The following FMO5 variants were observed in gnomAD, a reference collection of about 807,000 sequenced individuals.
FMO5 encodes the protein flavin-containing monooxygenase 5.
Under a neutral mutation model 43.6 loss-of-function variants are expected in FMO5, and 51 were observed. The ratio of observed to expected loss-of-function variants is 1.17; its 90% CI spans 0.93 to 1.48. FMO5 has a LOEUF of 1.48. Ranked by LOEUF, FMO5 falls within the 40% of genes most tolerant of loss-of-function variation. FMO5 has a pLI of 0.00. For missense variants in FMO5, 644 were observed against 643.0 expected (o/e 1.00, Z -0.02); for synonymous variants, 187 against 216.5 (o/e 0.86, Z 1.20).
Position 147,187,107 on chromosome 1 carries a change from C to T in FMO5, c.1395G>A (p.Leu465=), listed in dbSNP as rs782475687. ...GATAGTGGATTGGAGTGCAGGGTCC[C>T]AGTAATAAGTGTAATGCCAGCTTGG... is the stretch of plus-strand genomic sequence containing the variant. ...TDPKLALHLL[L]GPCTPIHYRV... Residue 465 remains leucine, a synonymous_variant, in exon 9 of 9, where the codon CTG becomes CTA. Coordinates refer to ENST00000254090, the MANE Select transcript of FMO5 (RefSeq NM_001461.4). The T allele has an allele frequency of 2.5e-6, 4 of 1,613,928 alleles. No individual in the cohort carries two copies. In the East Asian group the frequency reaches 6.7e-5, roughly 27 times the overall value.
chr1:147,185,206 A>G (rs996176072), downstream of FMO5, among the ~76,000 whole-genome samples: 2 of 152,052 alleles, frequency 1.3e-5, no homozygotes, highest in Non-Finnish European at 2.9e-5. Flanking sequence ...TATAATATGT[A>G]CAATGAGAGA....
intron 6 of FMO5, 132 bp from the exon 7 acceptor site, chr1:147,201,636 G>C: frequency 1.5e-6 from 1 of 664,960 alleles, no homozygotes; most frequent in Non-Finnish European, 2.6e-6. Flanking sequence ...ATGAAGTTTG[G>C]AAAAGGTCTA....
chr1:147,193,862 G>A (rs1194728580), intron 7 of FMO5, among the ~76,000 whole-genome samples: 2 of 152,110 alleles, frequency 1.3e-5, no homozygotes, highest in African/African-American at 4.8e-5. Context: ...TTGCACTGTG[G>A]TCTGAGAGAC....
chr1:147,189,560 T>A (rs1423335262), intron 8 of FMO5, among the ~76,000 whole-genome samples: 2 of 152,140 alleles, frequency 1.3e-5, no homozygotes, highest in Non-Finnish European at 2.9e-5. Flanking sequence ...TTTAGAGACT[T>A]ACCATCAATT....
At chr1:147,192,286 G>T (rs1158304639) in intron 7 of FMO5, among the ~76,000 whole-genome samples, 2 of 152,146 alleles carry the variant, frequency 1.3e-5, no homozygotes, top group African/African-American at 4.8e-5. Flanking sequence ...GTGAATGGGA[G>T]TTCACTCATG....
chr1:147,220,333 A>C (rs899343492), intron 2 of FMO5, among the ~76,000 whole-genome samples: 1 of 152,214 alleles, frequency 6.6e-6, no homozygotes, highest in Non-Finnish European at 1.5e-5. Flanking sequence ...TGATTCATAG[A>C]CTAGAAGATT....
At chr1:147,191,864 A>G (rs1656901294) in intron 7 of FMO5, among the ~76,000 whole-genome samples, 2 of 152,038 alleles carry the variant, frequency 1.3e-5, no homozygotes, top group Non-Finnish European at 2.9e-5. Context: ...TGTTCCATTG[A>G]TCTATATCTC....
At chr1:147,189,000 G>A (rs1656167260) in intron 8 of FMO5, among the ~76,000 whole-genome samples, 2 of 152,156 alleles carry the variant, frequency 1.3e-5, no homozygotes, top group South Asian at 4.1e-4. Flanking sequence ...TTCCGGCCAG[G>A]TACGGTGGCT....
chr1:147,196,752 CCT>C (rs1409095298), intron 7 of FMO5, among the ~76,000 whole-genome samples: 61 of 152,112 alleles, frequency 4.0e-4, no homozygotes, highest in African/African-American at 1.4e-3. Flanking sequence ...GTCTTTGCTC[CCT>C]GTCTTAGTTT....
chr1:147,203,625 C>A (rs982540505), intron 6 of FMO5: 22 of 1,240,360 alleles, frequency 1.8e-5, no homozygotes, highest in Middle Eastern at 2.0e-4. Flanking sequence ...TTCTTAATAG[C>A]GTACTGTTCA....
intron 2 of FMO5, among the ~76,000 whole-genome samples, chr1:147,217,238 T>TCAA (rs1448123816): frequency 6.6e-6 from 1 of 150,388 alleles, no homozygotes; most frequent in Non-Finnish European, 1.5e-5. Context: ...AAACTCCGTC[T>TCAA]ACAAAAAAAA....
At chr1:147,204,830 C>G in intron 6 of FMO5, 23 of 1,603,448 alleles carry the variant, frequency 1.4e-5, no homozygotes, top group Non-Finnish European at 2.0e-5. Context: ...TCCTTGCAAG[C>G]TTGTATGTTT....
intron 2 of FMO5, among the ~76,000 whole-genome samples, chr1:147,218,943 A>G (rs587695665): frequency 3.3e-5 from 5 of 152,332 alleles, no homozygotes; most frequent in African/African-American, 7.2e-5. Flanking sequence ...CTCTCTGTTC[A>G]TATTTCTATA....
At chr1:147,195,616 C>G (rs987163986) in intron 7 of FMO5, among the ~76,000 whole-genome samples, 107 of 152,212 alleles carry the variant, frequency 7.0e-4, no homozygotes, top group Non-Finnish European at 2.4e-4. Flanking sequence ...ACACCAAGGA[C>G]AGGGCTAGAC....
upstream of FMO5, among the ~76,000 whole-genome samples, chr1:147,226,083 A>T (rs1047546036): frequency 2.7e-5 from 4 of 149,058 alleles, no homozygotes; most frequent in Non-Finnish European, 4.4e-5. Context: ...TGGTGGTGCC[A>T]AGGTTGTCTG....
At chr1:147,220,142 G>T (rs1378941134) in intron 2 of FMO5, among the ~76,000 whole-genome samples, 1 of 151,994 alleles carries the variant, frequency 6.6e-6, no homozygotes, top group Non-Finnish European at 1.5e-5. Flanking sequence ...CCAGTCATTT[G>T]CTTTTTTATA....
At chr1:147,213,262 G>T (rs1553924119) in intron 4 of FMO5, 46 bp downstream of exon 4, 6 of 1,510,976 alleles carry the variant, frequency 4.0e-6, no homozygotes, top group Admixed American at 3.9e-5. Context: ...CAGGGGTCAG[G>T]TCACAGGCAT....
chr1:147,214,400 G>A (rs753458790), intron 3 of FMO5, among the ~76,000 whole-genome samples: 6 of 151,068 alleles, frequency 4.0e-5, no homozygotes, highest in East Asian at 1.9e-4. Context: ...GCAGTGAGCC[G>A]AGATCGTGTC....
chr1:147,210,198 G>C (rs782280526), intron 5 of FMO5: 1 of 152,204 alleles, frequency 6.6e-6, no homozygotes, highest in Non-Finnish European at 1.5e-5. Flanking sequence ...ACCCAGGTCT[G>C]ACTAACTCCA....
Sources: gnomAD v4.1 joint callset for allele counts (sites outside exome capture counted in the v4.1 genomes callset) on GRCh38, gnomAD v4.1.1 for gene constraint, MANE v1.5 for transcripts, NCBI Gene and HGNC (gene_info 2026-07-23, HGNC 2026-07-21) for gene names.